The following OLFM3 variants were observed in gnomAD, a reference collection of about 807,000 sequenced individuals.
OLFM3 encodes the protein noelin-3.
Under a neutral mutation model 48.6 loss-of-function variants are expected in OLFM3, and 20 were observed. The observed-to-expected ratio is 0.41, with a 90% CI of 0.29 to 0.60. The LOEUF is 0.60. Among genes scored for constraint, OLFM3 ranks in the 20% least tolerant of loss-of-function variants. OLFM3 has a pLI of 0.28. For missense variants in OLFM3, 437 were observed against 544.3 expected (o/e 0.80, Z 1.96); for synonymous variants, 222 against 198.1 (o/e 1.12, Z -1.01).
At chr1:101,810,480 G>A (rs778356731) in intron 4 of OLFM3, among the ~76,000 whole-genome samples, 6 of 151,952 alleles carry the variant, frequency 3.9e-5, no homozygotes, top group Non-Finnish European at 5.9e-5. Flanking sequence ...CCAGCTACAC[G>A]CATACAATAT....
intron 2 of OLFM3, 52 bp downstream of exon 2, chr1:101,836,827 A>C (rs2100923615): frequency 6.4e-7 from 1 of 1,567,158 alleles, no homozygotes; most frequent in East Asian, 2.2e-5. Context: ...TTTCCTTTTG[A>C]AAGAATGGTC....
chr1:101,940,797 T>C (rs1411506887), intron 1 of OLFM3, among the ~76,000 whole-genome samples: 1 of 151,608 alleles, frequency 6.6e-6, no homozygotes, highest in African/African-American at 2.4e-5. Flanking sequence ...TGTATATGTA[T>C]AGCTTAACTA....
At chr1:101,955,210 T>A (rs565929493) in intron 1 of OLFM3, among the ~76,000 whole-genome samples, 1 of 152,074 alleles carries the variant, frequency 6.6e-6, no homozygotes, top group Admixed American at 6.6e-5. Context: ...AAGGAAGGAT[T>A]TAGGTACCCC....
At position 101,824,138 on chromosome 1, in the gene OLFM3, T is replaced by A. The variant is rs149645983; in HGVS notation, c.592+888A>T. Among the ~76,000 whole-genome samples the A allele has an allele frequency of 8.5e-5, 13 of 152,058 alleles. No homozygotes were observed. The East Asian group carries it at 2.5e-3, about 29-fold the overall frequency. ...TGTGTGTGTGTGTGCTTTACTTCTCTTCCCAATTTTCCTGATCCACAAAAG... is the reference window on the plus strand; with the variant it reads ...TGTGTGTGTGTGTGCTTTACTTCTCATCCCAATTTTCCTGATCCACAAAAG... On this transcript the variant is annotated intron_variant, in intron 4 of 5. Coordinates refer to ENST00000370103, the MANE Select transcript of OLFM3 (RefSeq NM_058170.4).
intron 1 of OLFM3, among the ~76,000 whole-genome samples, chr1:101,887,244 T>C (rs1657799318): frequency 6.6e-6 from 1 of 151,786 alleles, no homozygotes; most frequent in Non-Finnish European, 1.5e-5. Flanking sequence ...AAAACTTTAT[T>C]GTGGCAGAAA....
chr1:101,969,070 G>C (rs1261550876), intron 1 of OLFM3, among the ~76,000 whole-genome samples: 1 of 152,196 alleles, frequency 6.6e-6, no homozygotes, highest in Non-Finnish European at 1.5e-5. Context: ...AGAGTGAACA[G>C]CCTTTGCATG....
At chr1:101,888,075 C>T (rs1375173529) in intron 1 of OLFM3, among the ~76,000 whole-genome samples, 2 of 152,062 alleles carry the variant, frequency 1.3e-5, no homozygotes, top group East Asian at 1.9e-4. Flanking sequence ...TTTTACTGCC[C>T]AAGGTAATTT....
At position 101,804,594 on chromosome 1, in the gene OLFM3, C is replaced by T; in HGVS notation, c.1021G>A (p.Ala341Thr). The T allele has an allele frequency of 6.2e-7, 1 of 1,612,526 alleles. No individual in the cohort carries two copies. Among genetic ancestry groups the T allele is most frequent in the Non-Finnish European group, 8.5e-7 (1 of 1,179,130 alleles). ...ATATTGCCTGCATTCTGGTTAGTTG[C>T]ATACACAGCCCACAGCCCGATTTCA... is the stretch of plus-strand genomic sequence containing the variant. Reference protein sequence around the residue: ...ADEIGLWAVYATNQNAGNIVI... With the variant: ...ADEIGLWAVYTTNQNAGNIVI... Residue 341 changes from alanine to threonine, a missense_variant, in exon 6 of 6, where the codon GCA becomes ACA. Physicochemically the swap from Ala to Thr is moderately conservative, Grantham distance 58 (BLOSUM62 0). Around this residue, in one of 3 missense-constraint regions of OLFM3, gnomAD observed 15 missense variants for 43.0 expected, o/e 0.35. Transcript: ENST00000370103. This position sits in a 1 kb window ranked among gnomAD's most constrained non-coding sequence, Gnocchi z 4.5.
At chr1:101,972,817 T>C (rs1287415058) in intron 1 of OLFM3, among the ~76,000 whole-genome samples, 1 of 152,182 alleles carries the variant, frequency 6.6e-6, no homozygotes, top group Non-Finnish European at 1.5e-5. Context: ...ACTTGTGGAG[T>C]AAGCTGCACG....
At chr1:101,843,351 G>A (rs980942128) in intron 1 of OLFM3, among the ~76,000 whole-genome samples, 1 of 152,130 alleles carries the variant, frequency 6.6e-6, no homozygotes, top group Non-Finnish European at 1.5e-5. Context: ...GGGTCTTCCT[G>A]GTGTGAAGCC....
At chr1:101,843,352 G>T (rs1307232579) in intron 1 of OLFM3, among the ~76,000 whole-genome samples, 1 of 152,130 alleles carries the variant, frequency 6.6e-6, no homozygotes, top group African/African-American at 2.4e-5. Flanking sequence ...GGTCTTCCTG[G>T]TGTGAAGCCC....
At chr1:101,954,492 C>T (rs1372267519) in intron 1 of OLFM3, among the ~76,000 whole-genome samples, 2 of 151,832 alleles carry the variant, frequency 1.3e-5, no homozygotes, top group African/African-American at 4.8e-5. Context: ...TGAACATGTA[C>T]CCTAGAATGT....
chr1:101,807,673 A>T (rs187354106), intron 4 of OLFM3, among the ~76,000 whole-genome samples: 42 of 151,964 alleles, frequency 2.8e-4, no homozygotes, highest in Non-Finnish European at 4.7e-4. Context: ...TACAAATTTA[A>T]TAATCTCTAG....
chr1:101,873,499 C>T (rs931955034), intron 1 of OLFM3, among the ~76,000 whole-genome samples: 1 of 151,840 alleles, frequency 6.6e-6, no homozygotes, highest in Non-Finnish European at 1.5e-5. Context: ...GTACAAAATA[C>T]AGCAACCCTG....
chr1:101,826,605 A>G (rs537429204), intron 3 of OLFM3, among the ~76,000 whole-genome samples: 27 of 152,322 alleles, frequency 1.8e-4, no homozygotes, highest in Admixed American at 7.8e-4. Flanking sequence ...CTTGCTCTGT[A>G]AGTTCAGAAT....
chr1:101,897,948 CAATT>C (rs1480391612), intron 1 of OLFM3, among the ~76,000 whole-genome samples: 6 of 151,994 alleles, frequency 3.9e-5, no homozygotes, highest in African/African-American at 1.4e-4. Flanking sequence ...GTCATATAAA[CAATT>C]AATATGTTTT....
rs1659847087 is a variant in OLFM3 at position 101,943,193 on chromosome 1, G to T, written c.69+53555C>A. Among the ~76,000 whole-genome samples the T allele has an allele frequency of 2.0e-5, 3 of 152,202 alleles. No homozygotes were observed. The South Asian group carries it at 6.2e-4, about 31-fold the overall frequency. On this transcript the variant is annotated intron_variant, in intron 1 of 5. Transcript: ENST00000370103. Reference sequence around the variant, plus strand: ...AAATTGACATTTAGTAAGGCAGACTGTCTTAAATAATCCGGATGAGCCTGA... The same window carrying T: ...AAATTGACATTTAGTAAGGCAGACTTTCTTAAATAATCCGGATGAGCCTGA...
At chr1:101,883,101 G>A (rs1020633871) in intron 1 of OLFM3, among the ~76,000 whole-genome samples, 11 of 151,564 alleles carry the variant, frequency 7.3e-5, no homozygotes, top group African/African-American at 2.2e-4. Flanking sequence ...TGAGCCTAAG[G>A]TTACTTCTAT....
chr1:101,981,185 A>C (rs1661095821), intron 1 of OLFM3, among the ~76,000 whole-genome samples: 1 of 152,080 alleles, frequency 6.6e-6, no homozygotes, highest in Admixed American at 6.5e-5. Context: ...CCTACACATA[A>C]GTCATCCTCC....
Sources: allele counts gnomAD v4.1 joint callset (sites outside exome capture counted in the v4.1 genomes callset), GRCh38; gene constraint gnomAD v4.1.1; regional missense constraint gnomAD v4.1.1; non-coding constraint Gnocchi (gnomAD v3.1); transcripts MANE v1.5; gene names NCBI Gene and HGNC (gene_info 2026-07-23, HGNC 2026-07-21).